SMOC2: variants seen among roughly 807,000 people sequenced by gnomAD.
SMOC2 encodes the protein SPARC related modular calcium binding 2, also known as SPARC-related modular calcium-binding protein 2.
In SMOC2, 39 loss-of-function variants were observed where a neutral mutation model predicts 61.4. The observed-to-expected ratio is 0.64, with a 90% CI of 0.49 to 0.83. SMOC2 has a LOEUF of 0.83. SMOC2 is among the 40% of genes least tolerant of loss of function. SMOC2 has a pLI of 0.00. For synonymous variants in SMOC2, 247 were observed against 239.9 expected (o/e 1.03, Z -0.27); for missense variants, 556 against 592.9 (o/e 0.94, Z 0.65).
At chr6:168,614,486 A>G (rs1583161575) in intron 9 of SMOC2, among the ~76,000 whole-genome samples, 1 of 15,372 alleles carries the variant, frequency 6.5e-5, no homozygotes, top group South Asian at 3.6e-3. Context: ...CAGCCAGCAC[A>G]GGGCCTCTTC....
At chr6:168,480,001 G>A (rs1782171042) in intron 1 of SMOC2, among the ~76,000 whole-genome samples, 1 of 152,122 alleles carries the variant, frequency 6.6e-6, no homozygotes, top group Admixed American at 6.5e-5. Flanking sequence ...TCAGGGAAAG[G>A]TGCAGGCTCA....
chr6:168,500,576 C>T (rs1232740134), intron 1 of SMOC2, among the ~76,000 whole-genome samples: 1 of 152,074 alleles, frequency 6.6e-6, no homozygotes, highest in Non-Finnish European at 1.5e-5. Flanking sequence ...CTACTTGCCC[C>T]GGTGATTCTG....
Position 168,599,284 on chromosome 6 carries a change from CCACA to C in SMOC2, c.824+289_824+292del, listed in dbSNP as rs199796090. Among the ~76,000 whole-genome samples the C allele has an allele frequency of 8.5e-4, 94 of 111,104 alleles. 1 individual carries two copies. The highest frequency in any genetic ancestry group is 3.1e-3 in the African/African-American group (86 of 27,962). The allele number at this position is 111,104 out of a possible 152,430, so 72.9% of individuals were successfully genotyped here. A position where few individuals can be genotyped will look rare whatever the true frequency, so the allele number is the denominator to read the frequency against. On this transcript the variant is annotated intron_variant, in intron 8 of 12. Coordinates refer to ENST00000356284, the MANE Select transcript of SMOC2 (RefSeq NM_001166412.2). ...CACACACACCCACGCTCTCACACAC[CCACA>C]CACACACATACCACACACACACCCC...
At chr6:168,601,199 G>A (rs1463318367) in intron 8 of SMOC2, among the ~76,000 whole-genome samples, 2 of 152,210 alleles carry the variant, frequency 1.3e-5, no homozygotes, top group Admixed American at 1.3e-4. Context: ...GCCGACTAAT[G>A]CCTGTTTCAC....
At chr6:168,637,145 C>T (rs540549663) in intron 9 of SMOC2, among the ~76,000 whole-genome samples, 104 of 152,042 alleles carry the variant, frequency 6.8e-4, no homozygotes, top group African/African-American at 2.4e-3. Context: ...GGGTCTAACA[C>T]TGAGTAGTTT....
intron 7 of SMOC2, among the ~76,000 whole-genome samples, chr6:168,564,749 C>A (rs1784505605): frequency 6.6e-6 from 1 of 152,188 alleles, no homozygotes; most frequent in Non-Finnish European, 1.5e-5. Context: ...AGTGTCAAGC[C>A]CATGACAGGA....
chr6:168,651,839 G>A (rs1001775113), intron 10 of SMOC2, among the ~76,000 whole-genome samples: 1 of 152,086 alleles, frequency 6.6e-6, no homozygotes, highest in Admixed American at 6.5e-5. Context: ...TCAGGAGTTC[G>A]AGACCAGCCT....
intron 9 of SMOC2, among the ~76,000 whole-genome samples, chr6:168,630,281 C>T (rs1786532432): frequency 6.6e-6 from 1 of 152,216 alleles, no homozygotes; most frequent in Non-Finnish European, 1.5e-5. Context: ...GAAGCCATGG[C>T]AGAAGAACGT....
intron 1 of SMOC2, among the ~76,000 whole-genome samples, chr6:168,443,525 G>C (rs967351805): frequency 3.9e-5 from 6 of 152,150 alleles, no homozygotes; most frequent in Admixed American, 2.0e-4. Context: ...CCGAAGAAAA[G>C]ATTAAAGCCA....
chr6:168,491,447 C>CCG (rs1782469576), intron 1 of SMOC2, among the ~76,000 whole-genome samples: 1 of 152,150 alleles, frequency 6.6e-6, no homozygotes, highest in Non-Finnish European at 1.5e-5. Flanking sequence ...TTTCTGGCGG[C>CCG]TGGAAGGTGA....
intron 7 of SMOC2, among the ~76,000 whole-genome samples, chr6:168,565,589 T>C (rs1407953000): frequency 6.6e-6 from 1 of 152,246 alleles, no homozygotes; most frequent in African/African-American, 2.4e-5. Context: ...TAAGCCTTCA[T>C]CCATGAATTT....
chr6:168,558,727 C>T (rs946241110), intron 7 of SMOC2, among the ~76,000 whole-genome samples: 2 of 152,174 alleles, frequency 1.3e-5, no homozygotes, highest in African/African-American at 4.8e-5. Flanking sequence ...TTCAGGGCAT[C>T]TCTTGAGGCT....
intron 11 of SMOC2, among the ~76,000 whole-genome samples, chr6:168,658,541 C>T (rs1787384877): frequency 6.6e-6 from 1 of 152,124 alleles, no homozygotes; most frequent in Non-Finnish European, 1.5e-5. Context: ...CCCTCCTCAG[C>T]CTGGTGCTAC....
intron 1 of SMOC2, among the ~76,000 whole-genome samples, chr6:168,448,742 A>AT (rs1476999290): frequency 1.3e-5 from 2 of 152,138 alleles, no homozygotes; most frequent in Non-Finnish European, 2.9e-5. Context: ...TGCGATACAT[A>AT]TTTACGTTTT....
intron 1 of SMOC2, among the ~76,000 whole-genome samples, chr6:168,506,100 C>A (rs1281581620): frequency 6.6e-6 from 1 of 152,086 alleles, no homozygotes; most frequent in Non-Finnish European, 1.5e-5. Flanking sequence ...TCCCATTCCC[C>A]GGGCTCAAGT....
chr6:168,469,718 T>A (rs1391071724), intron 1 of SMOC2, among the ~76,000 whole-genome samples: 2 of 151,996 alleles, frequency 1.3e-5, no homozygotes, highest in East Asian at 1.9e-4. Context: ...AGCCGATGAC[T>A]TTTGCAGAGA....
Position 168,517,621 on chromosome 6 carries a change from C to T in SMOC2, c.256+7535C>T, listed in dbSNP as rs545696593. Among the ~76,000 whole-genome samples, 83 of 152,358 alleles carry T rather than the reference C, an allele frequency of 5.4e-4. 1 individual carries two copies. The highest frequency in any genetic ancestry group is 1.0e-3 in the South Asian group (5 of 4,834). On this transcript the variant is annotated intron_variant, in intron 2 of 12. Coordinates refer to ENST00000356284, the MANE Select transcript of SMOC2 (RefSeq NM_001166412.2). ...ACACTCCAGAGGAACCAGGCCTCCC[C>T]GTGGGGCTCCGTCCACGCGCTCTGC...
chr6:168,666,499 A>G lies in SMOC2; in HGVS notation c.*61A>G. 1.3e-6 allele frequency: 2 copies of G among 1,579,512 alleles called. No homozygotes were observed. Among genetic ancestry groups the G allele is most frequent in the East Asian group, 2.2e-5 (1 of 44,702 alleles). On this transcript the variant is annotated 3_prime_UTR_variant, in exon 13 of 13. Transcript: ENST00000356284. Reference sequence around the variant, plus strand: ...GGGAAATTTCCCTCACCAAAGAGCAATTAAGAAAACAAAAACAGAAACACA... The same window carrying G: ...GGGAAATTTCCCTCACCAAAGAGCAGTTAAGAAAACAAAAACAGAAACACA...
intron 9 of SMOC2, among the ~76,000 whole-genome samples, chr6:168,631,367 G>T (rs1343625765): frequency 6.6e-6 from 1 of 152,214 alleles, no homozygotes; most frequent in Non-Finnish European, 1.5e-5. Flanking sequence ...AGTGTGCTGG[G>T]TTTGAAGTAG....
Sources: allele counts gnomAD v4.1 joint callset (sites outside exome capture counted in the v4.1 genomes callset), GRCh38; gene constraint gnomAD v4.1.1; transcripts MANE v1.5; gene names NCBI Gene and HGNC (gene_info 2026-07-23, HGNC 2026-07-21).